The following FAM20C variants were observed in gnomAD, a reference collection of about 807,000 sequenced individuals.
FAM20C encodes the protein FAM20C golgi associated secretory pathway kinase, also known as extracellular serine/threonine protein kinase FAM20C.
A neutral mutation model predicts 51.5 loss-of-function variants in FAM20C; 40 were observed. The observed-to-expected ratio is 0.78, with a 90% CI of 0.60 to 1.01. FAM20C has a LOEUF of 1.01. Ranked by LOEUF, FAM20C falls within the 50% of genes least tolerant of loss-of-function variation. The probability of loss-of-function intolerance (pLI) is 0.00; values close to 1 mark genes in which losing one functional copy is unlikely to be tolerated. For synonymous variants in FAM20C, 406 were observed against 380.6 expected, an observed-to-expected ratio of 1.07 and a Z score of -0.78; for missense variants, 861 against 844.7, an observed-to-expected ratio of 1.02 and a Z score of -0.24.
intron 2 of FAM20C, among the ~76,000 whole-genome samples, chr7:207,972 G>C (rs974767206): frequency 3.3e-5 from 5 of 152,224 alleles, no homozygotes; most frequent in African/African-American, 1.2e-4. Flanking sequence ...GAGGCTACTG[G>C]AGGCTTCCAC....
intron 4 of FAM20C, 106 bp downstream of exon 4, chr7:246,613 TCAC>T (rs1788174810): frequency 1.6e-6 from 1 of 607,480 alleles, no homozygotes; most frequent in South Asian, 3.0e-5. Flanking sequence ...GTCACCTTCG[TCAC>T]CATCAGGCAG....
intron 3 of FAM20C, among the ~76,000 whole-genome samples, chr7:214,566 C>T (rs1256691225): frequency 1.3e-5 from 2 of 152,212 alleles, no homozygotes; most frequent in Non-Finnish European, 2.9e-5. Flanking sequence ...CACCACGTAG[C>T]CACAGAGCGA....
intron 3 of FAM20C, among the ~76,000 whole-genome samples, chr7:241,523 C>T (rs1245178867): frequency 6.6e-6 from 1 of 152,068 alleles, no homozygotes; most frequent in Non-Finnish European, 1.5e-5. Flanking sequence ...CCCTTCTCAC[C>T]AAGAGGCCTC....
At position 256,851 on chromosome 7, in the gene FAM20C, C is replaced by A; in HGVS notation, c.1363+88C>A. 3 of 1,440,738 alleles carry A rather than the reference C, an allele frequency of 2.1e-6. No individual in the cohort carries two copies. In the South Asian group the frequency reaches 3.7e-5, roughly 18 times the overall value. The allele number at this position is 1,440,738 out of a possible 1,614,324, so 89.2% of individuals were successfully genotyped here. A position where few individuals can be genotyped will look rare whatever the true frequency, so the allele number is the denominator to read the frequency against. On this transcript the variant is annotated intron_variant, in intron 7 of 9. Transcript: ENST00000313766. ...GGGCTCTGCAGGGCACACTCCGTGG[C>A]ACGGCCCGGCTGCGGTCCTGTGGCC...
intron 3 of FAM20C, among the ~76,000 whole-genome samples, chr7:218,856 G>A (rs578111085): frequency 6.8e-6 from 1 of 146,376 alleles, no homozygotes; most frequent in South Asian, 2.3e-4. Context: ...ACGGGCCCAG[G>A]ACGCACAGAT....
At chr7:247,639 T>TATCTAGAACATCCTGAACCCA (rs1788220755) in intron 4 of FAM20C, among the ~76,000 whole-genome samples, 1 of 152,112 alleles carries the variant, frequency 6.6e-6, no homozygotes, top group African/African-American at 2.4e-5. Context: ...CCATTTCAGC[T>TATCTAGAACATCCTGAACCCA]ATCTAGAACA....
intron 3 of FAM20C, among the ~76,000 whole-genome samples, chr7:236,418 A>G (rs2115128763): frequency 6.6e-6 from 1 of 152,314 alleles, no homozygotes; most frequent in Non-Finnish European, 1.5e-5. Flanking sequence ...CTGCGTGGCT[A>G]GGCCAGGGGA....
chr7:257,107 G>A, intron 8 of FAM20C, 21 bp downstream of exon 8: 1 of 1,535,608 alleles, frequency 6.5e-7, no homozygotes, highest in Non-Finnish European at 8.7e-7. Context: ...CCTCGCCCCT[G>A]CACACCCAGG....
intron 2 of FAM20C, among the ~76,000 whole-genome samples, chr7:200,910 G>A (rs1015865810): frequency 6.6e-6 from 1 of 152,130 alleles, no homozygotes; most frequent in Admixed American, 6.5e-5. Flanking sequence ...CCTCCTTGAT[G>A]CCAGCCCCAG....
Position 234,663 on chromosome 7 carries a change from C to T in FAM20C, c.864-11752C>T, listed in dbSNP as rs1365348747. ...TGTGTCTGCCCTCAGCATGTGGCTC[C>T]TTCCTGCACAGTTCAGTGAGTGACT... On this transcript the variant is annotated intron_variant, in intron 3 of 9. Coordinates refer to ENST00000313766, the MANE Select transcript of FAM20C (RefSeq NM_020223.4). Among the ~76,000 whole-genome samples, 4 of 152,312 alleles carry T rather than the reference C, an allele frequency of 2.6e-5. No homozygotes were observed. The East Asian group carries it at 5.8e-4, about 22-fold the overall frequency.
chr7:216,620 TGA>T (rs1786978911), intron 3 of FAM20C, among the ~76,000 whole-genome samples: 1 of 49,718 alleles, frequency 2.0e-5, no homozygotes, highest in Admixed American at 2.1e-4. Context: ...TGTGTGTGTA[TGA>T]GTGTGTGTGA....
chr7:254,916 C>T (rs537654977), intron 5 of FAM20C, among the ~76,000 whole-genome samples: 1 of 151,022 alleles, frequency 6.6e-6, no homozygotes, highest in Non-Finnish European at 1.5e-5. Flanking sequence ...GTGAGGGCTT[C>T]ATTCCTCTTC....
At position 204,451 on chromosome 7, in the gene FAM20C, C is replaced by A. The variant is rs1583284442; in HGVS notation, c.785-4447C>A. ...AGCCCCAGTCTTGACCATGGCCTGT[C>A]AAACGTGGTTCCTGACAGGGTAGTG... On this transcript the variant is annotated intron_variant, in intron 2 of 9. Coordinates refer to ENST00000313766, the MANE Select transcript of FAM20C (RefSeq NM_020223.4). Among the ~76,000 whole-genome samples, 3 of 152,380 alleles carry A rather than the reference C, an allele frequency of 2.0e-5. No homozygotes were observed. In the East Asian group the frequency reaches 5.8e-4, roughly 29 times the overall value.
intron 5 of FAM20C, among the ~76,000 whole-genome samples, chr7:250,623 T>A (rs1788358497): frequency 6.6e-6 from 1 of 152,188 alleles, no homozygotes; most frequent in African/African-American, 2.4e-5. Context: ...CAGGGCTTCC[T>A]AAGCACGCCT....
chr7:255,872 G>C lies in FAM20C; in HGVS notation c.1096G>C (p.Glu366Gln). Residue 366 changes from glutamate (E) to glutamine (Q), a missense_variant, in exon 6 of 10, where the codon GAG (glutamate) becomes CAG (glutamine). Physicochemically the swap from Glu to Gln is conservative, Grantham distance 29. This residue lies in a region of FAM20C where 31 missense variants were observed against 61.1 expected (regional missense o/e 0.51). Transcript: ENST00000313766. ...AGCCAACAACATCTGCTTCTACGGC[G>C]AGTGTTCCTACTACTGCTCCACGGA... ...SPANNICFYG[E>Q]CSYYCSTEHA... 1 of 1,536,442 alleles carries C rather than the reference G, an allele frequency of 6.5e-7. No individual in the cohort carries two copies. The highest frequency in any genetic ancestry group is 8.7e-7 in the Non-Finnish European group (1 of 1,146,854).
intron 5 of FAM20C, among the ~76,000 whole-genome samples, chr7:251,948 G>T (rs951128892): frequency 6.6e-6 from 1 of 152,156 alleles, no homozygotes; most frequent in Admixed American, 6.5e-5. Context: ...GCAGCCCCTG[G>T]AACCCCACTG....
chr7:233,599 C>T (rs1294308369), intron 3 of FAM20C, among the ~76,000 whole-genome samples: 4 of 152,174 alleles, frequency 2.6e-5, no homozygotes, highest in Non-Finnish European at 4.4e-5. Flanking sequence ...CCTGCGTTGG[C>T]GGCTGGGGTC....
chr7:210,368 C>T (rs974170259), intron 3 of FAM20C, among the ~76,000 whole-genome samples: 15 of 152,262 alleles, frequency 9.9e-5, no homozygotes, highest in Middle Eastern at 3.4e-3. Flanking sequence ...CTGAGGGTCT[C>T]CTGGGTTACG....
intron 3 of FAM20C, among the ~76,000 whole-genome samples, chr7:245,396 G>C (rs1010818388): frequency 6.6e-6 from 1 of 151,906 alleles, no homozygotes; most frequent in African/African-American, 2.4e-5. Context: ...TGGCATGGGA[G>C]GACATCCTGG....
Sources: allele counts gnomAD v4.1 joint callset (sites outside exome capture counted in the v4.1 genomes callset), GRCh38; gene constraint gnomAD v4.1.1; regional missense constraint gnomAD v4.1.1; transcripts MANE v1.5; gene names NCBI Gene and HGNC (gene_info 2026-07-23, HGNC 2026-07-21).